LRP2: variants seen among roughly 807,000 people sequenced by gnomAD.
LRP2 encodes the protein LDL receptor related protein 2.
A neutral mutation model predicts 531.0 loss-of-function variants in LRP2; 172 were observed. The observed-to-expected ratio is 0.32, with a 90% CI of 0.29 to 0.37. The LOEUF (loss-of-function observed/expected upper bound fraction) is 0.37. Among genes scored for constraint, LRP2 ranks in the 10% least tolerant of loss-of-function variants. The pLI, the probability that LRP2 is intolerant of heterozygous loss-of-function variation, is 1.00. For synonymous variants in LRP2, 1,992 were observed against 2,027.6 expected, an observed-to-expected ratio of 0.98 and a Z score of 0.47; for missense variants, 5,167 against 5,868.3, an observed-to-expected ratio of 0.88 and a Z score of 3.90.
Position 169,146,754 on chromosome 2 carries a change from C to G in LRP2, c.12796G>C (p.Val4266Leu). The G allele has an allele frequency of 6.2e-7, 1 of 1,612,854 alleles. No homozygotes were observed. The highest frequency in any genetic ancestry group is 8.5e-7 in the Non-Finnish European group (1 of 1,178,868). ...TIKYDGTDRR[V>L]IAKEAMNPYS... ...AATTTCTAACCTTCCTTTGCAATGA[C>G]TCTCCTATCAGTCCCATCATATTTT... The change falls in exon 69 of 79, where the codon GTC (valine) becomes CTC (leucine). Residue 4266 changes from valine (V) to leucine (L), a missense_variant. Coordinates refer to ENST00000649046, the MANE Select transcript of LRP2 (RefSeq NM_004525.3).
chr2:169,327,454 G>A (rs1281420537), intron 1 of LRP2, among the ~76,000 whole-genome samples: 9 of 115,050 alleles, frequency 7.8e-5, no homozygotes, highest in African/African-American at 1.0e-4. Flanking sequence ...TCAGCACCCC[G>A]CCCGGCCAGC....
chr2:169,128,812 C>T lies in LRP2; in HGVS notation c.13819G>A (p.Glu4607Lys). The T allele has an allele frequency of 4.3e-6, 7 of 1,614,044 alleles. No individual in the cohort carries two copies. Among genetic ancestry groups the T allele is most frequent in the African/African-American group, 1.3e-5 (1 of 75,026 alleles). Reference sequence around the variant, plus strand: ...GGAGGTGGTGTCGCAGCAACACTTTCCTTTTGCTCGTTCTCCATCTAAGAA... The same window carrying T: ...GGAGGTGGTGTCGCAGCAACACTTTTCTTTTGCTCGTTCTCCATCTAAGAA... ...IYAQMENEQKESVAATPPPSP... is the reference protein window; with the variant it reads ...IYAQMENEQKKSVAATPPPSP... The change falls in exon 79 of 79, where the codon GAA becomes AAA. Residue 4607 changes from glutamate to lysine, a missense_variant. Physicochemically the swap from Glu to Lys is moderately conservative, Grantham distance 56. Transcript: ENST00000649046.
At chr2:169,179,988 T>C (rs1687368712) in intron 52 of LRP2, among the ~76,000 whole-genome samples, 1 of 152,162 alleles carries the variant, frequency 6.6e-6, no homozygotes, top group Admixed American at 6.5e-5. Context: ...GCCTAAATTT[T>C]ATAATCCATC....
intron 3 of LRP2, among the ~76,000 whole-genome samples, chr2:169,313,170 A>C (rs1423307286): frequency 6.6e-6 from 1 of 152,050 alleles, no homozygotes; most frequent in African/African-American, 2.4e-5. Context: ...AGCTTGGGGA[A>C]GTTTGTTATT....
intron 57 of LRP2, 32 bp downstream of exon 57, chr2:169,173,064 C>T (rs752455376): frequency 6.2e-7 from 1 of 1,613,790 alleles, no homozygotes; most frequent in Non-Finnish European, 8.5e-7. Flanking sequence ...ACTTTCTTGT[C>T]CCTCCCTCCA....
At chr2:169,203,865 T>C in intron 42 of LRP2, 117 bp downstream of exon 42, 1 of 1,089,160 alleles carries the variant, frequency 9.2e-7, no homozygotes, top group South Asian at 1.3e-5. Context: ...TTTCATAAAT[T>C]ACCCTGACAT....
At chr2:169,299,436 T>C (rs1254055060) in intron 4 of LRP2, among the ~76,000 whole-genome samples, 1 of 151,806 alleles carries the variant, frequency 6.6e-6, no homozygotes, top group African/African-American at 2.4e-5. Context: ...CCTGAGAGGG[T>C]TGCTCCAAGG....
At chr2:169,268,902 A>G (rs1295496106) in intron 16 of LRP2, among the ~76,000 whole-genome samples, 1 of 152,232 alleles carries the variant, frequency 6.6e-6, no homozygotes, top group Non-Finnish European at 1.5e-5. Context: ...AACTTCAGCA[A>G]AGTCTCAGGA....
intron 4 of LRP2, among the ~76,000 whole-genome samples, chr2:169,304,136 A>T (rs1328174443): frequency 6.6e-6 from 1 of 152,218 alleles, no homozygotes; most frequent in African/African-American, 2.4e-5. Context: ...TCCCCAAAGT[A>T]GCAGTTCCTT....
At chr2:169,332,362 A>C (rs1313451135) in intron 1 of LRP2, among the ~76,000 whole-genome samples, 1 of 152,092 alleles carries the variant, frequency 6.6e-6, no homozygotes, top group East Asian at 1.9e-4. Context: ...ACAAGCTCTA[A>C]AGAAACGAGA....
intron 4 of LRP2, among the ~76,000 whole-genome samples, chr2:169,297,262 T>C (rs1371758502): frequency 6.6e-6 from 1 of 152,214 alleles, no homozygotes; most frequent in African/African-American, 2.4e-5. Context: ...TCACAATCCT[T>C]TGAGCTTCCA....
At chr2:169,325,072 A>G (rs2105523075) in intron 1 of LRP2, among the ~76,000 whole-genome samples, 1 of 151,966 alleles carries the variant, frequency 6.6e-6, no homozygotes, top group East Asian at 1.9e-4. Context: ...AAAAAAAAAA[A>G]AAGAAAGAAA....
intron 63 of LRP2, among the ~76,000 whole-genome samples, chr2:169,162,086 C>A (rs569666493): frequency 6.6e-6 from 1 of 152,146 alleles, no homozygotes; most frequent in Non-Finnish European, 1.5e-5. Context: ...AAATATGTAG[C>A]CTTAAAGTGC....
chr2:169,282,576 T>C (rs755250348), intron 10 of LRP2, among the ~76,000 whole-genome samples: 2 of 152,242 alleles, frequency 1.3e-5, no homozygotes, highest in East Asian at 1.9e-4. Flanking sequence ...AATGTAGGCA[T>C]AGCATTTATT....
intron 70 of LRP2, among the ~76,000 whole-genome samples, chr2:169,143,744 A>G (rs1463159814): frequency 6.6e-6 from 1 of 152,194 alleles, no homozygotes; most frequent in Admixed American, 6.5e-5. Flanking sequence ...TTACCATTAA[A>G]AGCTCCCTAG....
At chr2:169,292,547 AAG>A (rs1684025019) in intron 6 of LRP2, among the ~76,000 whole-genome samples, 178 bp from the exon 7 acceptor site, 1 of 152,192 alleles carries the variant, frequency 6.6e-6, no homozygotes, top group Admixed American at 6.5e-5. Context: ...GAGAAAGAAG[AAG>A]ATAACAGCAG....
intron 59 of LRP2, among the ~76,000 whole-genome samples, chr2:169,170,039 T>A (rs1686937431): frequency 1.3e-5 from 2 of 152,228 alleles, no homozygotes; most frequent in South Asian, 4.1e-4. Flanking sequence ...TAATATTAAA[T>A]AATCTCCAGC....
intron 68 of LRP2, among the ~76,000 whole-genome samples, chr2:169,148,868 T>C (rs1234734935): frequency 6.6e-6 from 1 of 152,194 alleles, no homozygotes; most frequent in Non-Finnish European, 1.5e-5. Context: ...CCACTTTCTC[T>C]GGGAAGTGGC....
intron 2 of LRP2, 72 bp from the exon 3 acceptor site, chr2:169,318,956 C>T (rs1684840319): frequency 6.4e-7 from 1 of 1,568,908 alleles, no homozygotes; most frequent in African/African-American, 1.3e-5. Flanking sequence ...ATGCTTGTTC[C>T]AGAAGAGTGT....
Sources: gnomAD v4.1 joint callset for allele counts (sites outside exome capture counted in the v4.1 genomes callset) on GRCh38, gnomAD v4.1.1 for gene constraint, MANE v1.5 for transcripts, NCBI Gene and HGNC (gene_info 2026-07-23, HGNC 2026-07-21) for gene names.